The following GATAD2B variants were observed in gnomAD, a reference collection of about 807,000 sequenced individuals.
GATAD2B encodes transcriptional repressor p66-beta.
GATAD2B carries 8 observed loss-of-function variants against 64.3 expected under a neutral mutation model. The ratio of observed to expected loss-of-function variants is 0.12; its 90% CI spans 0.07 to 0.22. GATAD2B has a LOEUF of 0.22. Ranked by LOEUF, GATAD2B falls within the 10% of genes least tolerant of loss-of-function variation. The pLI is 1.00. For missense variants in GATAD2B, 453 were observed against 752.0 expected, an observed-to-expected ratio of 0.60 and a Z score of 4.65; for synonymous variants, 281 against 271.3, an observed-to-expected ratio of 1.04 and a Z score of -0.35.
At chr1:153,851,402 C>T (rs1330096079) in intron 1 of GATAD2B, among the ~76,000 whole-genome samples, 1 of 152,056 alleles carries the variant, frequency 6.6e-6, no homozygotes, top group Non-Finnish European at 1.5e-5. Context: ...TTTTGCATTC[C>T]CACCAACAGT....
At chr1:153,829,118 T>C (rs936510694) in intron 1 of GATAD2B, among the ~76,000 whole-genome samples, 4 of 152,096 alleles carry the variant, frequency 2.6e-5, no homozygotes, top group South Asian at 2.1e-4. Flanking sequence ...GGTGGGAGGA[T>C]TGCTTGAGCC....
intron 1 of GATAD2B, among the ~76,000 whole-genome samples, chr1:153,878,079 C>G (rs1031710917): frequency 1.1e-4 from 16 of 151,900 alleles, no homozygotes; most frequent in African/African-American, 3.4e-4. Flanking sequence ...AAAGTAGGCT[C>G]CAGCTCCTTG....
chr1:153,830,048 A>T (rs1380184542), intron 1 of GATAD2B, among the ~76,000 whole-genome samples: 1 of 152,128 alleles, frequency 6.6e-6, no homozygotes, highest in African/African-American at 2.4e-5. Context: ...GTGTGCCAAG[A>T]TCACACCACT....
intron 1 of GATAD2B, among the ~76,000 whole-genome samples, chr1:153,889,004 T>C (rs1240137609): frequency 6.6e-6 from 1 of 151,666 alleles, no homozygotes; most frequent in Non-Finnish European, 1.5e-5. Context: ...CCATGAGGAG[T>C]AATAATAGAA....
intron 1 of GATAD2B, among the ~76,000 whole-genome samples, chr1:153,904,589 T>A (rs1046722911): frequency 2.0e-5 from 3 of 152,182 alleles, no homozygotes; most frequent in Non-Finnish European, 4.4e-5. Flanking sequence ...TCACTCAGGC[T>A]GGAGTAGAGT....
At chr1:153,868,969 T>C (rs891915911) in intron 1 of GATAD2B, among the ~76,000 whole-genome samples, 2 of 152,068 alleles carry the variant, frequency 1.3e-5, no homozygotes, top group Non-Finnish European at 2.9e-5. Flanking sequence ...CCATCTCCAA[T>C]CAAAATTCCA....
chr1:153,850,540 T>C (rs1212834615), intron 1 of GATAD2B, among the ~76,000 whole-genome samples: 11 of 152,096 alleles, frequency 7.2e-5, no homozygotes, highest in Admixed American at 2.0e-4. Context: ...CCTCAAGTGA[T>C]CCGCCCACAT....
rs1354614010 is a variant in GATAD2B, at chr1:153,808,227, G to C, written c.*1950C>G. On this transcript the variant is annotated 3_prime_UTR_variant, in exon 11 of 11. Transcript: ENST00000368655. ...AGCTTCCAGATCATTTCACCACTGG[G>C]GGAGCCCAGACACTGGCTGCATCTC... 3 of 152,512 alleles carry C rather than the reference G, an allele frequency of 2.0e-5. No individual in the cohort carries two copies. Among genetic ancestry groups the C allele is most frequent in the Non-Finnish European group, 4.4e-5 (3 of 68,034 alleles). 9.4% of individuals were successfully genotyped at this position (152,512 alleles called of 1,614,324 possible). A position where few individuals can be genotyped will look rare whatever the true frequency, so the allele number is the denominator to read the frequency against.
chr1:153,893,547 T>C (rs1041947401), intron 1 of GATAD2B, among the ~76,000 whole-genome samples: 3 of 151,498 alleles, frequency 2.0e-5, no homozygotes, highest in Non-Finnish European at 4.4e-5. Context: ...GAGGCAGAGG[T>C]TGCAGTGAGC....
intron 1 of GATAD2B, among the ~76,000 whole-genome samples, chr1:153,845,174 C>G (rs1376289240): frequency 6.6e-6 from 1 of 152,008 alleles, no homozygotes; most frequent in Non-Finnish European, 1.5e-5. Context: ...ATGGATATAA[C>G]AATAGTGTGG....
intron 1 of GATAD2B, among the ~76,000 whole-genome samples, chr1:153,873,798 A>G (rs968876954): frequency 1.3e-5 from 2 of 152,228 alleles, no homozygotes; most frequent in Non-Finnish European, 2.9e-5. Context: ...TTTTAAAGCA[A>G]TTTAGCTGGG....
At chr1:153,873,338 C>T (rs1013695461) in intron 1 of GATAD2B, among the ~76,000 whole-genome samples, 1 of 152,136 alleles carries the variant, frequency 6.6e-6, no homozygotes, top group African/African-American at 2.4e-5. Context: ...TTTAATACCC[C>T]GCAACGATTT....
chr1:153,889,178 C>T (rs1437037015), intron 1 of GATAD2B, among the ~76,000 whole-genome samples: 1 of 151,766 alleles, frequency 6.6e-6, no homozygotes, highest in African/African-American at 2.4e-5. Context: ...TGTATCAGGC[C>T]GGGTGTGGTG....
chr1:153,871,899 G>A (rs573430192), intron 1 of GATAD2B, among the ~76,000 whole-genome samples: 5 of 152,188 alleles, frequency 3.3e-5, no homozygotes, highest in African/African-American at 4.8e-5. Flanking sequence ...GCAGTGAGCT[G>A]AGATCGTGTC....
At chr1:153,885,121 A>G (rs1247151243) in intron 1 of GATAD2B, among the ~76,000 whole-genome samples, 1 of 152,002 alleles carries the variant, frequency 6.6e-6, no homozygotes, top group African/African-American at 2.4e-5. Flanking sequence ...AAATGAAGTC[A>G]CTCATACAGC....
intron 1 of GATAD2B, among the ~76,000 whole-genome samples, chr1:153,845,507 A>T (rs1675652615): frequency 1.3e-5 from 2 of 152,206 alleles, no homozygotes; most frequent in Non-Finnish European, 2.9e-5. Context: ...GCACTTTGGG[A>T]GGCTGAGACG....
intron 1 of GATAD2B, among the ~76,000 whole-genome samples, chr1:153,849,086 A>T (rs1253205009): frequency 1.3e-5 from 2 of 152,084 alleles, no homozygotes; most frequent in African/African-American, 4.8e-5. Flanking sequence ...CCTTGAGCTC[A>T]AATGATCCTC....
chr1:153,879,762 CAAAAAAA>C (rs71093298), intron 1 of GATAD2B, among the ~76,000 whole-genome samples: 1 of 80,962 alleles, frequency 1.2e-5, no homozygotes, highest in Non-Finnish European at 2.4e-5. Context: ...ACACTGTCTA[CAAAAAAA>C]AAAAAAAAAA....
intron 1 of GATAD2B, 111 bp from the exon 2 acceptor site, chr1:153,828,459 C>CAT: frequency 5.7e-6 from 1 of 176,422 alleles, no homozygotes; most frequent in Non-Finnish European, 1.3e-5. Flanking sequence ...CACACATACA[C>CAT]ACACACACAC....
Sources: gnomAD v4.1 joint callset for allele counts (sites outside exome capture counted in the v4.1 genomes callset) on GRCh38, gnomAD v4.1.1 for gene constraint, MANE v1.5 for transcripts, NCBI Gene and HGNC (gene_info 2026-07-23, HGNC 2026-07-21) for gene names.